WDR33: variants seen among roughly 807,000 people sequenced by gnomAD.
WDR33 encodes the protein WD repeat domain 33, also known as pre-mRNA 3' end processing protein WDR33.
A neutral mutation model predicts 164.9 loss-of-function variants in WDR33; 47 were observed. The ratio of observed to expected loss-of-function variants is 0.29; its 90% confidence interval spans 0.23 to 0.36. The LOEUF is 0.36. Among genes scored for constraint, WDR33 ranks in the 10% least tolerant of loss-of-function variants. The pLI, the probability that WDR33 is intolerant of heterozygous loss-of-function variation, is 1.00. For missense variants in WDR33, 1,137 were observed against 1,754.1 expected (o/e 0.65, Z 6.28); for synonymous variants, 505 against 589.0 (o/e 0.86, Z 2.06).
At chr2:127,804,017 G>C (rs1307922852) in intron 1 of WDR33, among the ~76,000 whole-genome samples, 1 of 150,098 alleles carries the variant, frequency 6.7e-6, no homozygotes, top group Non-Finnish European at 1.5e-5. Flanking sequence ...AAAGACTAAA[G>C]AGATACGAAA....
rs1419760091 is a variant in WDR33 at position 127,711,772 on chromosome 2, A to ATTTTTTTT, written c.3308+1810_3308+1811insAAAAAAAA. 6.2e-3 allele frequency among the ~76,000 whole-genome samples: 539 copies of ATTTTTTTT among 87,640 alleles called. 41 individuals carry two copies. The highest frequency in any genetic ancestry group is 0.038 in the South Asian group (81 of 2,142). The allele number at this position is 87,640 out of a possible 152,430, so 57.5% of individuals were successfully genotyped here. On this transcript the variant is annotated intron_variant, in intron 18 of 21. Transcript: ENST00000322313. ...TACAGATATATATATATATATATATATATATATATTTTTTTTTTGAGACAG... is the reference window on the plus strand; with the variant it reads ...TACAGATATATATATATATATATATATTTTTTTTTATATATATTTTTTTTTTGAGACAG...
At chr2:127,749,807 C>T (rs1266392988) in intron 7 of WDR33, among the ~76,000 whole-genome samples, 2 of 151,956 alleles carry the variant, frequency 1.3e-5, no homozygotes, top group African/African-American at 4.8e-5. Flanking sequence ...CTCCATCATA[C>T]TGAGTCTTTC....
Position 127,701,539 on chromosome 2 carries a change from T to C in WDR33, c.*4784A>G, listed in dbSNP as rs78322232. ...ACCGCCTTGTCCAAGATGGCGGACC[T>C]CCACCGCCAGCTGCAGGAGTACCTG... On this transcript the variant is annotated 3_prime_UTR_variant, in exon 22 of 22. Coordinates refer to ENST00000322313, the MANE Select transcript of WDR33 (RefSeq NM_018383.5). 21 of 1,342,590 alleles carry C rather than the reference T, an allele frequency of 1.6e-5. No individual in the cohort carries two copies. The East Asian group carries it at 5.7e-4, about 36-fold the overall frequency. 83.2% of individuals were successfully genotyped at this position (1,342,590 alleles called of 1,614,324 possible).
In WDR33 at chr2:127,735,808, T is replaced by C. The variant is rs772339193; in HGVS notation, c.725-9031A>G. On this transcript the variant is annotated intron_variant, in intron 7 of 21. Coordinates refer to ENST00000322313, the MANE Select transcript of WDR33 (RefSeq NM_018383.5). The surrounding 1 kb of genome is among the most constrained non-coding windows in gnomAD (Gnocchi z 4.3). ...AGGAATATGCAATTTATTAGTATTT[T>C]ACCTTCCTTTAATGCAAAATGATTT... 7.3e-5 allele frequency: 72 copies of C among 985,344 alleles called. No homozygotes were observed. The highest frequency in any genetic ancestry group is 8.6e-5 in the Non-Finnish European group (71 of 829,928). 61.0% of individuals were successfully genotyped at this position (985,344 alleles called of 1,614,324 possible). A position where few individuals can be genotyped will look rare whatever the true frequency, so the allele number is the denominator to read the frequency against.
intron 1 of WDR33, among the ~76,000 whole-genome samples, chr2:127,775,620 T>G (rs944597881): frequency 2.0e-5 from 3 of 152,168 alleles, no homozygotes; most frequent in African/African-American, 7.2e-5. Flanking sequence ...TCTACAAATA[T>G]GAGGAAAATG....
Position 127,770,805 on chromosome 2 carries a change from G to A in WDR33, c.177C>T (p.Tyr59=), listed in dbSNP as rs1238621102. The A allele has an allele frequency of 6.2e-7, 1 of 1,614,124 alleles. No homozygotes were observed. Among genetic ancestry groups the A allele is most frequent in the African/African-American group, 1.3e-5 (1 of 75,044 alleles). ...CCAAATACTTAATTACAGATGGATTGTAGTCTATGGTTTTTCGGTTCACAG... is the reference window on the plus strand; with the variant it reads ...CCAAATACTTAATTACAGATGGATTATAGTCTATGGTTTTTCGGTTCACAG... ...RKAVNRKTID[Y]NPSVIKYLEN... The change falls in exon 2 of 22, where the codon TAC becomes TAT. Residue 59 remains tyrosine (Y), a synonymous_variant. Transcript: ENST00000322313. The surrounding 1 kb of genome is among the most constrained non-coding windows in gnomAD (Gnocchi z 4.9).
At chr2:127,737,260 A>G in intron 7 of WDR33, 1 of 985,458 alleles carries the variant, frequency 1.0e-6, no homozygotes, top group Non-Finnish European at 1.2e-6. Flanking sequence ...CATAGAGAAC[A>G]TCAGCCATTT....
At chr2:127,771,355 A>AT (rs1261360556) in intron 1 of WDR33, among the ~76,000 whole-genome samples, 2 of 152,222 alleles carry the variant, frequency 1.3e-5, no homozygotes, top group Non-Finnish European at 2.9e-5. Context: ...CCGTAACACA[A>AT]TAAGTATTCA....
At chr2:127,728,365 AT>A (rs956179790) in intron 7 of WDR33, among the ~76,000 whole-genome samples, 4 of 152,246 alleles carry the variant, frequency 2.6e-5, no homozygotes, top group Non-Finnish European at 5.9e-5. Context: ...AGTCAATAAC[AT>A]GAGTGACTGT....
In WDR33 at chr2:127,713,951, C is replaced by T; in HGVS notation, c.2940G>A (p.Gly980=). ...GCCCCCTCTCGGGCCCATGCTCAGG[C>T]CCGCCGCTCTGCTCATGCCGCCTCT... ...MSERRHEQSG[G]PEHGPERGPF... is the part of the protein sequence containing the mutation. The change falls in exon 18 of 22, where the codon GGG becomes GGA. Residue 980 remains glycine (G), a synonymous_variant. Coordinates refer to ENST00000322313, the MANE Select transcript of WDR33 (RefSeq NM_018383.5). The surrounding 1 kb of genome is among the most constrained non-coding windows in gnomAD (Gnocchi z 6.2). The T allele has an allele frequency of 6.3e-7, 1 of 1,588,506 alleles. No homozygotes were observed.
At chr2:127,802,367 C>T (rs1393346063) in intron 1 of WDR33, among the ~76,000 whole-genome samples, 2 of 152,080 alleles carry the variant, frequency 1.3e-5, no homozygotes, top group Non-Finnish European at 2.9e-5. Flanking sequence ...CTTCAGCCTC[C>T]GTCTCCTGGG....
At chr2:127,791,189 C>A (rs1032566049) in intron 1 of WDR33, among the ~76,000 whole-genome samples, 2 of 119,086 alleles carry the variant, frequency 1.7e-5, no homozygotes, top group Non-Finnish European at 3.3e-5. Flanking sequence ...AACTGCGTCT[C>A]ACTCTGTCAC....
intron 7 of WDR33, among the ~76,000 whole-genome samples, chr2:127,754,486 T>A (rs1283476844): frequency 1.3e-5 from 2 of 152,112 alleles, no homozygotes; most frequent in South Asian, 4.1e-4. Context: ...TGGCGCGATC[T>A]CGGCTCACTG....
At chr2:127,791,133 A>C (rs1324405552) in intron 1 of WDR33, among the ~76,000 whole-genome samples, 1 of 151,318 alleles carries the variant, frequency 6.6e-6, no homozygotes, top group Non-Finnish European at 1.5e-5. Flanking sequence ...TAAATAGCAA[A>C]AGTACTTTAT....
Position 127,726,520 on chromosome 2 carries a change from T to C in WDR33, c.851+131A>G, listed in dbSNP as rs1414272994. The C allele has an allele frequency of 7.3e-6, 9 of 1,230,576 alleles. No homozygotes were observed. Among genetic ancestry groups the C allele is most frequent in the African/African-American group, 1.5e-5 (1 of 65,630 alleles). 76.2% of individuals were successfully genotyped at this position (1,230,576 alleles called of 1,614,324 possible). ...TCATATTTAATTCATAAGAAGTCTA[T>C]AGATCCAAGTCCATCTGTTGCCTAA... On this transcript the variant is annotated intron_variant, in intron 8 of 21. Transcript: ENST00000322313. This position sits in a 1 kb window ranked among gnomAD's most constrained non-coding sequence, Gnocchi z 4.8.
Position 127,718,241 on chromosome 2 carries a change from T to G in WDR33, c.2761-978A>C, listed in dbSNP as rs1686343385. On this transcript the variant is annotated intron_variant, in intron 16 of 21. Coordinates refer to ENST00000322313, the MANE Select transcript of WDR33 (RefSeq NM_018383.5). The surrounding 1 kb of genome is among the most constrained non-coding windows in gnomAD (Gnocchi z 4.4). The stretch of plus-strand genomic sequence containing the variant: ...TCATCTTTACATTAGGGATTCGTGG[T>G]GGTATTTGAAAAACCAAAACAGACT... 6.6e-6 allele frequency among the ~76,000 whole-genome samples: 1 copy of G among 152,114 alleles called. No homozygotes were observed. Among genetic ancestry groups the G allele is most frequent in the Non-Finnish European group, 1.5e-5 (1 of 68,024 alleles).
Position 127,764,996 on chromosome 2 carries a change from C to A in WDR33, c.475-17G>T. On this transcript the variant is annotated splice_polypyrimidine_tract_variant and intron_variant, in intron 5 of 21. Transcript: ENST00000322313. This position sits in a 1 kb window ranked among gnomAD's most constrained non-coding sequence, Gnocchi z 6.2. ...GTCGTGAGCCTGTGAAAGCAGAAAA[C>A]ATTAATTAGTAAGGTGCTGCTTCAA... 6.2e-7 allele frequency: 1 copy of A among 1,611,718 alleles called. No homozygotes were observed. The highest frequency in any genetic ancestry group is 1.1e-5 in the South Asian group (1 of 91,030).
chr2:127,788,413 G>A lies in WDR33; in HGVS notation c.-23-17409C>T, dbSNP rs1173172236. On this transcript the variant is annotated intron_variant, in intron 1 of 21. Coordinates refer to ENST00000322313, the MANE Select transcript of WDR33 (RefSeq NM_018383.5). ...CACCTCCCGGACGGGGCGGCTGGCC[G>A]GGCGGAGGGCTGACCCCCCCCACCT... Among the ~76,000 whole-genome samples the A allele has an allele frequency of 2.1e-3, 262 of 125,514 alleles. 1 individual carries two copies. The highest frequency in any genetic ancestry group is 3.2e-3 in the Admixed American group (44 of 13,602). 82.3% of individuals were successfully genotyped at this position (125,514 alleles called of 152,430 possible).
chr2:127,798,509 T>A (rs1446717904), intron 1 of WDR33, among the ~76,000 whole-genome samples: 1 of 151,564 alleles, frequency 6.6e-6, no homozygotes, highest in Non-Finnish European at 1.5e-5. Flanking sequence ...GATAAAATGA[T>A]AAGCTTAAGC....
Sources: gnomAD v4.1 joint callset for allele counts (sites outside exome capture counted in the v4.1 genomes callset) on GRCh38, gnomAD v4.1.1 for gene constraint, Gnocchi (gnomAD v3.1) non-coding constraint, MANE v1.5 for transcripts, NCBI Gene and HGNC (gene_info 2026-07-23, HGNC 2026-07-21) for gene names.